PCDH9: variants seen among roughly 807,000 people sequenced by gnomAD.
PCDH9 encodes protocadherin 9.
Under a neutral mutation model 70.6 loss-of-function variants are expected in PCDH9, and 24 were observed. The ratio of observed to expected loss-of-function variants is 0.34; its 90% CI spans 0.25 to 0.48. The LOEUF is 0.48. Ranked by LOEUF, PCDH9 falls within the 20% of genes least tolerant of loss-of-function variation. The pLI is 0.99. For synonymous variants in PCDH9, 562 were observed against 558.5 expected (o/e 1.01, Z -0.09); for missense variants, 1,281 against 1,503.6 (o/e 0.85, Z 2.45).
chr13:66,544,028 C>A (rs1168412291), intron 4 of PCDH9, among the ~76,000 whole-genome samples: 2 of 152,110 alleles, frequency 1.3e-5, no homozygotes, highest in African/African-American at 4.8e-5. Flanking sequence ...TGCCTTGACT[C>A]CATTGTTTAC....
intron 4 of PCDH9, among the ~76,000 whole-genome samples, chr13:66,370,973 A>T (rs1246264615): frequency 1.3e-5 from 2 of 152,142 alleles, no homozygotes; most frequent in Admixed American, 6.6e-5. Flanking sequence ...TAAATTCAAA[A>T]CAATATTTTG....
intron 2 of PCDH9, among the ~76,000 whole-genome samples, chr13:66,907,546 A>G (rs373490686): frequency 6.6e-6 from 1 of 152,224 alleles, no homozygotes; most frequent in East Asian, 1.9e-4. Flanking sequence ...ATTATCATTC[A>G]CTACCTATAG....
chr13:66,932,807 T>C (rs576424055), intron 2 of PCDH9, among the ~76,000 whole-genome samples: 51 of 151,020 alleles, frequency 3.4e-4, no homozygotes, highest in African/African-American at 1.2e-3. Context: ...AGTATCATCA[T>C]AGTGAAATAA....
Position 66,432,663 on chromosome 13 carries a change from C to G in PCDH9, c.3341-127635G>C, listed in dbSNP as rs145238560. On this transcript the variant is annotated intron_variant, in intron 4 of 4. Transcript: ENST00000377865. ...GACACCTTCTTCTCATCTTTTGGGA[C>G]CCTCTCACTATTAGCAATCTCTGGT... Among the ~76,000 whole-genome samples, 6 of 151,934 alleles carry G rather than the reference C, an allele frequency of 3.9e-5. No homozygotes were observed. In the East Asian group the frequency reaches 1.2e-3, roughly 29 times the overall value.
chr13:66,716,990 T>C (rs1311146237), intron 3 of PCDH9, among the ~76,000 whole-genome samples: 1 of 152,174 alleles, frequency 6.6e-6, no homozygotes, highest in East Asian at 1.9e-4. Flanking sequence ...TTTGGTTAAA[T>C]ATGGTGGTCC....
intron 4 of PCDH9, among the ~76,000 whole-genome samples, chr13:66,440,335 A>T (rs1005784198): frequency 6.6e-6 from 1 of 152,124 alleles, no homozygotes; most frequent in Non-Finnish European, 1.5e-5. Flanking sequence ...ATAAGGGAAA[A>T]TGCCTGAGCC....
At chr13:66,435,860 T>A (rs1196076071) in intron 4 of PCDH9, among the ~76,000 whole-genome samples, 1 of 152,170 alleles carries the variant, frequency 6.6e-6, no homozygotes, top group African/African-American at 2.4e-5. Context: ...AGCCAGCGAC[T>A]TGGAGAAGAA....
At chr13:66,390,169 T>C (rs1438339179) in intron 4 of PCDH9, among the ~76,000 whole-genome samples, 2 of 152,196 alleles carry the variant, frequency 1.3e-5, no homozygotes, top group South Asian at 4.1e-4. Flanking sequence ...AAAGAGAATA[T>C]ATTTCCCCAG....
chr13:66,710,958 T>C (rs2078785117), intron 3 of PCDH9, among the ~76,000 whole-genome samples: 1 of 152,154 alleles, frequency 6.6e-6, no homozygotes, highest in Admixed American at 6.5e-5. Flanking sequence ...AGCTAATCTC[T>C]GCAGTTCACA....
chr13:67,063,529 G>GC (rs1555303124), intron 2 of PCDH9, among the ~76,000 whole-genome samples: 1 of 34,836 alleles, frequency 2.9e-5, no homozygotes, highest in African/African-American at 9.7e-5. Context: ...GCTTTCCAAG[G>GC]CAAAAAAAAA....
intron 3 of PCDH9, among the ~76,000 whole-genome samples, chr13:66,777,189 C>G (rs2079910451): frequency 6.6e-6 from 1 of 151,996 alleles, no homozygotes; most frequent in African/African-American, 2.4e-5. Flanking sequence ...AGAAGAAAAG[C>G]TAGGCAATAC....
At chr13:66,572,195 T>C (rs975705274) in intron 4 of PCDH9, among the ~76,000 whole-genome samples, 1 of 152,156 alleles carries the variant, frequency 6.6e-6, no homozygotes, top group Non-Finnish European at 1.5e-5. Flanking sequence ...CCCACCACTA[T>C]CAAACATTGA....
chr13:66,971,989 A>G (rs1014860779), intron 2 of PCDH9, among the ~76,000 whole-genome samples: 1 of 151,896 alleles, frequency 6.6e-6, no homozygotes, highest in African/African-American at 2.4e-5. Context: ...ATGTTATTAT[A>G]AATGTTGGTT....
intron 4 of PCDH9, among the ~76,000 whole-genome samples, chr13:66,573,400 T>C (rs1051707591): frequency 1.3e-5 from 2 of 152,110 alleles, no homozygotes; most frequent in African/African-American, 4.8e-5. Context: ...CGGTTGATTG[T>C]TTCTTTTGTT....
chr13:66,677,607 C>T (rs997791392), intron 3 of PCDH9, among the ~76,000 whole-genome samples: 7 of 151,986 alleles, frequency 4.6e-5, no homozygotes, highest in African/African-American at 1.7e-4. Flanking sequence ...GTGGCACTTC[C>T]TTCCCCATGC....
intron 2 of PCDH9, among the ~76,000 whole-genome samples, chr13:67,129,495 C>T (rs184037863): frequency 1.8e-3 from 273 of 152,036 alleles, no homozygotes; most frequent in African/African-American, 6.3e-3. Context: ...ATTTTTGGGC[C>T]TTTTTGTACC....
chr13:66,371,076 T>C (rs1161273741), intron 4 of PCDH9, among the ~76,000 whole-genome samples: 2 of 152,140 alleles, frequency 1.3e-5, no homozygotes, highest in African/African-American at 2.4e-5. Flanking sequence ...TGTTCCCTTT[T>C]GATTATAAGA....
At chr13:66,610,914 CTG>C (rs1245840737) in intron 4 of PCDH9, among the ~76,000 whole-genome samples, 2 of 152,142 alleles carry the variant, frequency 1.3e-5, no homozygotes, top group African/African-American at 4.8e-5. Context: ...AATTGTCAGA[CTG>C]TGCATAGTCT....
intron 3 of PCDH9, among the ~76,000 whole-genome samples, chr13:66,662,951 C>G (rs2078035666): frequency 6.6e-6 from 1 of 152,148 alleles, no homozygotes. Context: ...ATCAAGAGTT[C>G]CCTTATAGAT....
Sources: gnomAD v4.1 joint callset for allele counts (sites outside exome capture counted in the v4.1 genomes callset) on GRCh38, gnomAD v4.1.1 for gene constraint, MANE v1.5 for transcripts, NCBI Gene and HGNC (gene_info 2026-07-23, HGNC 2026-07-21) for gene names.